Variants in GPLD1 observed in about 807,000 individuals in gnomAD.
GPLD1 encodes phosphatidylinositol-glycan-specific phospholipase D.
GPLD1 carries 84 observed loss-of-function variants against 112.6 expected under a neutral mutation model. The observed-to-expected ratio is 0.75, with a 90% confidence interval of 0.63 to 0.89. The LOEUF (loss-of-function observed/expected upper bound fraction) is 0.89, where lower values mean the gene tolerates loss of function less well. Among genes scored for constraint, GPLD1 ranks in the 40% least tolerant of loss-of-function variants. The probability of loss-of-function intolerance (pLI) is 0.00; values close to 1 mark genes in which losing one functional copy is unlikely to be tolerated. For missense variants in GPLD1, 1,044 were observed against 1,051.5 expected (o/e 0.99, Z 0.10); for synonymous variants, 386 against 403.8 (o/e 0.96, Z 0.53).
intron 17 of GPLD1, 111 bp downstream of exon 17, chr6:24,447,766 G>A: frequency 1.0e-6 from 1 of 972,410 alleles, no homozygotes; most frequent in South Asian, 1.7e-5. Context: ...GTTAGAAAAT[G>A]TTGGTGAAAT....
Position 24,426,662 on chromosome 6 carries a change from G to T in GPLD1, c.*2370C>A, listed in dbSNP as rs1406315487. 6.7e-6 allele frequency among the ~76,000 whole-genome samples: 1 copy of T among 150,100 alleles called. No homozygotes were observed. The highest frequency in any genetic ancestry group is 1.5e-5 in the Non-Finnish European group (1 of 67,694). ...TGCATCCGTCTAATGAAAAGACCCA[G>T]TACTGAGAAAAACATCCCTTTACTC... is the stretch of plus-strand genomic sequence containing the variant. On this transcript the variant is annotated 3_prime_UTR_variant, in exon 25 of 25. Transcript: ENST00000230036.
Position 24,437,118 on chromosome 6 carries a change from C to T in GPLD1, c.2192G>A (p.Gly731Asp). 2 of 1,613,978 alleles carry T rather than the reference C, an allele frequency of 1.2e-6. No homozygotes were observed. The highest frequency in any genetic ancestry group is 2.2e-5 in the East Asian group (1 of 44,882). ...VLHLSDLDDD[G>D]LDEIIMAAPL... ...GGGTCCTGTTCCTTTCTTACCTAAG[C>T]CATCATCATCCAGGTCACTCAAGTG... The change falls in exon 21 of 25, where the codon GGC becomes GAC. Residue 731 changes from glycine (G) to aspartate (D), a missense_variant. Physicochemically the swap from Gly to Asp is moderately conservative, Grantham distance 94. Transcript: ENST00000230036.
At position 24,489,424 on chromosome 6, in the gene GPLD1, C is replaced by T. The variant is rs1126617; in HGVS notation, c.88G>A (p.Val30Ile). Residue 30 changes from valine (V) to isoleucine (I), a missense_variant, in exon 1 of 25, where the codon GTA becomes ATA. Coordinates refer to ENST00000230036, the MANE Select transcript of GPLD1 (RefSeq NM_001503.4). Reference protein sequence around the residue: ...RGSPCGLSTHVEIGHRALEFL... With the variant: ...RGSPCGLSTHIEIGHRALEFL... ...AGACACCAGTACTTACCTATTTCTACGTGTGTTGAAAGGCCACACGGTGAA... is the reference window on the plus strand; with the variant it reads ...AGACACCAGTACTTACCTATTTCTATGTGTGTTGAAAGGCCACACGGTGAA... The T allele has an allele frequency of 0.33, 523,568 of 1,601,014 alleles. 87,809 individuals carry two copies. The highest frequency in any genetic ancestry group is 0.34 in the Non-Finnish European group (402,580 of 1,168,414).
At chr6:24,451,327 T>C (rs1763076458) in intron 14 of GPLD1, among the ~76,000 whole-genome samples, 1 of 133,804 alleles carries the variant, frequency 7.5e-6, no homozygotes, top group African/African-American at 2.5e-5. Context: ...TTTCCAATTC[T>C]TTCTCTTTTT....
intron 2 of GPLD1, among the ~76,000 whole-genome samples, chr6:24,482,461 A>G (rs565825236): frequency 2.2e-4 from 34 of 152,188 alleles, no homozygotes; most frequent in Admixed American, 2.1e-3. Flanking sequence ...TTGTATTTTT[A>G]GTAGAGACAG....
At chr6:24,484,092 T>A (rs898524189) in intron 2 of GPLD1, among the ~76,000 whole-genome samples, 4 of 152,044 alleles carry the variant, frequency 2.6e-5, no homozygotes, top group Admixed American at 1.3e-4. Flanking sequence ...ATTTTTTGTA[T>A]TTTTAGTAGA....
Position 24,447,973 on chromosome 6 carries a change from G to A in GPLD1, c.1582C>T (p.Pro528Ser). Residue 528 changes from proline to serine, a missense_variant, in exon 17 of 25, where the codon CCC becomes TCC. Coordinates refer to ENST00000230036, the MANE Select transcript of GPLD1 (RefSeq NM_001503.4). The stretch of plus-strand genomic sequence containing the variant: ...AAAGGGGAGCCGATGACCAGATCGG[G>A]TTCACTGTCTCCATTCACATCTGCA... ...LAADVNGDSEPDLVIGSPFAP... is the reference protein window; with the variant it reads ...LAADVNGDSESDLVIGSPFAP... 1.9e-6 allele frequency: 3 copies of A among 1,613,684 alleles called. No individual in the cohort carries two copies. The highest frequency in any genetic ancestry group is 2.5e-6 in the Non-Finnish European group (3 of 1,179,936).
At chr6:24,492,744 G>A (rs1581797859), upstream of GPLD1, among the ~76,000 whole-genome samples, 1 of 151,972 alleles carries the variant, frequency 6.6e-6, no homozygotes, top group East Asian at 1.9e-4. Context: ...GGAGCCAGGA[G>A]GAAATTGTTT....
At chr6:24,449,154 G>C (rs116320884) in intron 15 of GPLD1, among the ~76,000 whole-genome samples, 4,726 of 152,104 alleles carry the variant, frequency 0.031, 95 homozygotes, top group Non-Finnish European at 0.044. Context: ...TACGAGCAAA[G>C]GTCGCAAAGT....
chr6:24,464,912 G>A (rs112280767), intron 10 of GPLD1, among the ~76,000 whole-genome samples: 3 of 152,176 alleles, frequency 2.0e-5, no homozygotes, highest in African/African-American at 4.8e-5. Context: ...GGTTCTCTGG[G>A]CCAGGCATGG....
intron 20 of GPLD1, among the ~76,000 whole-genome samples, chr6:24,438,685 C>T (rs1046620366): frequency 6.6e-6 from 1 of 152,218 alleles, no homozygotes; most frequent in Non-Finnish European, 1.5e-5. Context: ...TGACCTAACA[C>T]AATGTCTCCT....
At chr6:24,435,338 T>C (rs1762536589) in intron 22 of GPLD1, among the ~76,000 whole-genome samples, 1 of 152,094 alleles carries the variant, frequency 6.6e-6, no homozygotes, top group Non-Finnish European at 1.5e-5. Flanking sequence ...GGGGATTAAA[T>C]GATACATAGT....
chr6:24,443,439 T>C (rs2127326143), intron 20 of GPLD1, among the ~76,000 whole-genome samples: 1 of 152,288 alleles, frequency 6.6e-6, no homozygotes, highest in Admixed American at 6.5e-5. Flanking sequence ...GCCCTCAGCT[T>C]TCCTTCTGGG....
At chr6:24,441,504 A>C (rs1762745580) in intron 20 of GPLD1, among the ~76,000 whole-genome samples, 1 of 152,182 alleles carries the variant, frequency 6.6e-6, no homozygotes, top group African/African-American at 2.4e-5. Context: ...TTACGACACG[A>C]GAGTCCTGCA....
At position 24,467,217 on chromosome 6, in the gene GPLD1, G is replaced by A. The variant is rs1206366669; in HGVS notation, c.603C>T (p.Val201=). The change falls in exon 8 of 25, where the codon GTC becomes GTT. Residue 201 remains valine, a synonymous_variant. Coordinates refer to ENST00000230036, the MANE Select transcript of GPLD1 (RefSeq NM_001503.4). ...GIYEKLYGRK[V]ITENVIVDCS... ...AATCAACGATTACATTTTCGGTGAT[G>A]ACTTTTCGACCATACAGTTTCTCAT... 6.2e-7 allele frequency: 1 copy of A among 1,608,288 alleles called. No individual in the cohort carries two copies. Among genetic ancestry groups the A allele is most frequent in the African/African-American group, 1.3e-5 (1 of 74,814 alleles).
intron 7 of GPLD1, among the ~76,000 whole-genome samples, chr6:24,471,469 A>G (rs1189317690): frequency 6.6e-6 from 1 of 152,220 alleles, no homozygotes; most frequent in Admixed American, 6.5e-5. Flanking sequence ...GCTCAAAAAA[A>G]AAGACAGAAA....
Position 24,466,787 on chromosome 6 carries a change from A to G in GPLD1, c.714T>C (p.Phe238=). ...LYPTYSTKSP[F]LVEQFQEYFL... The stretch of plus-strand genomic sequence containing the variant: ...AATACTCTTGGAATTGTTCCACCAA[A>G]AACGGGGACTTTGTAGAGTAAGTGG... The change falls in exon 10 of 25, where the codon TTT becomes TTC. Residue 238 remains phenylalanine (F), a synonymous_variant. Coordinates refer to ENST00000230036, the MANE Select transcript of GPLD1 (RefSeq NM_001503.4). 1 of 1,612,590 alleles carries G rather than the reference A, an allele frequency of 6.2e-7. No homozygotes were observed. Among genetic ancestry groups the G allele is most frequent in the Non-Finnish European group, 8.5e-7 (1 of 1,178,558 alleles).
Position 24,445,717 on chromosome 6 carries a change from T to C in GPLD1, c.1926+9A>G. 6.2e-7 allele frequency: 1 copy of C among 1,609,310 alleles called. No homozygotes were observed. The highest frequency in any genetic ancestry group is 1.3e-5 in the African/African-American group (1 of 74,916). Reference sequence around the variant, plus strand: ...GTCCACTCTCCTGTGTGGGGAGGGCTTGTCATACCTTGTCTCCAGAAATGG... The same window carrying C: ...GTCCACTCTCCTGTGTGGGGAGGGCCTGTCATACCTTGTCTCCAGAAATGG... On this transcript the variant is annotated intron_variant, in intron 19 of 24. Coordinates refer to ENST00000230036, the MANE Select transcript of GPLD1 (RefSeq NM_001503.4).
intron 2 of GPLD1, 95 bp from the exon 3 acceptor site, chr6:24,480,054 A>G (rs1418922065): frequency 1.3e-6 from 1 of 763,374 alleles, no homozygotes; most frequent in African/African-American, 1.7e-5. Context: ...TGCTAGAAAT[A>G]TGGGGGTATA....
Sources: allele counts gnomAD v4.1 joint callset (sites outside exome capture counted in the v4.1 genomes callset), GRCh38; gene constraint gnomAD v4.1.1; transcripts MANE v1.5; gene names NCBI Gene and HGNC (gene_info 2026-07-23, HGNC 2026-07-21).